TTC39C: variants seen among roughly 807,000 people sequenced by gnomAD.
The protein encoded by TTC39C is tetratricopeptide repeat protein 39C.
TTC39C carries 33 observed loss-of-function variants against 76.3 expected under a neutral mutation model. The observed-to-expected ratio is 0.43, with a 90% CI of 0.33 to 0.58. TTC39C has a LOEUF of 0.58. TTC39C is among the 20% of genes least tolerant of loss of function. The probability of loss-of-function intolerance (pLI) is 0.04; values close to 1 mark genes in which losing one functional copy is unlikely to be tolerated. For synonymous variants in TTC39C, 254 were observed against 260.6 expected (o/e 0.97, Z 0.24); for missense variants, 595 against 701.4 (o/e 0.85, Z 1.71).
chr18:24,019,845 T>C (rs532038285), intron 1 of TTC39C: 3 of 1,524,734 alleles, frequency 2.0e-6, no homozygotes, highest in South Asian at 1.2e-5. Flanking sequence ...ATATCTACTC[T>C]CTGGCCTTTT....
At chr18:24,016,031 C>A (rs28539354) in intron 1 of TTC39C, among the ~76,000 whole-genome samples, 2,479 of 152,230 alleles carry the variant, frequency 0.016, 65 homozygotes, top group African/African-American at 0.058. Context: ...ATGAGAGGAC[C>A]AATGTACAAC....
rs2085084828 is a variant in TTC39C, at chr18:24,128,877, C to T, written c.1421-9C>T. On this transcript the variant is annotated splice_polypyrimidine_tract_variant and intron_variant, in intron 10 of 13. Coordinates refer to ENST00000317571, the MANE Select transcript of TTC39C (RefSeq NM_001135993.2). ...GCTTACTGCTCTGTTCACTCCCCTT[C>T]TTTTTAAGCTTGCCATGAAGTGGAT... 2 of 1,611,288 alleles carry T rather than the reference C, an allele frequency of 1.2e-6. No homozygotes were observed. Among genetic ancestry groups the T allele is most frequent in the African/African-American group, 1.3e-5 (1 of 74,944 alleles).
At chr18:24,071,024 G>A (rs556361842) in intron 4 of TTC39C, among the ~76,000 whole-genome samples, 10 of 151,956 alleles carry the variant, frequency 6.6e-5, no homozygotes, top group Non-Finnish European at 1.3e-4. Context: ...TGCCTCCCAG[G>A]TTCAAGTGAT....
intron 6 of TTC39C, among the ~76,000 whole-genome samples, chr18:24,097,408 A>G (rs1250826368): frequency 6.6e-6 from 1 of 152,190 alleles, no homozygotes; most frequent in Non-Finnish European, 1.5e-5. Flanking sequence ...TTGAAGAAAC[A>G]CTTCAGGATC....
intron 1 of TTC39C, among the ~76,000 whole-genome samples, chr18:23,998,368 A>G (rs191388125): frequency 6.6e-6 from 1 of 152,348 alleles, no homozygotes; most frequent in South Asian, 2.1e-4. Flanking sequence ...TCACGCCTGT[A>G]ATCACAGTGC....
rs970091628 is a variant in TTC39C at position 24,133,813 on chromosome 18, G to C, written c.*1239G>C. On this transcript the variant is annotated 3_prime_UTR_variant, in exon 14 of 14. Coordinates refer to ENST00000317571, the MANE Select transcript of TTC39C (RefSeq NM_001135993.2). ...TGCCATAATTTGGCTCAATGTTTAA[G>C]GTTAGATTTTTAAAGAAATTTTTAT... 2.0e-4 allele frequency: 30 copies of C among 152,040 alleles called. No individual in the cohort carries two copies. Among genetic ancestry groups the C allele is most frequent in the African/African-American group, 7.3e-4 (30 of 41,368 alleles). 9.4% of individuals were successfully genotyped at this position (152,040 alleles called of 1,614,324 possible).
chr18:24,126,426 T>TA (rs35976434), intron 10 of TTC39C, among the ~76,000 whole-genome samples: 18,448 of 109,852 alleles, frequency 0.17, 1,527 homozygotes, highest in Admixed American at 0.23. Context: ...CCTATTTCTT[T>TA]AAAAAAAAAA....
In TTC39C at chr18:24,069,180, C is replaced by A. The variant is rs966431694; in HGVS notation, c.369C>A (p.Pro123=). Residue 123 remains proline (P), a synonymous_variant, in exon 4 of 14, where the codon CCC becomes CCA. Coordinates refer to ENST00000317571, the MANE Select transcript of TTC39C (RefSeq NM_001135993.2). ...KKNVDVRKSA[P]SMVDRLQRQI... ...AGGTTGATGTCCGAAAATCCGCCCCCTCTATGGTTGATCGGCTTCAGAGGC... is the reference window on the plus strand; with the variant it reads ...AGGTTGATGTCCGAAAATCCGCCCCATCTATGGTTGATCGGCTTCAGAGGC... The A allele has an allele frequency of 1.2e-6, 2 of 1,614,102 alleles. No individual in the cohort carries two copies. Among genetic ancestry groups the A allele is most frequent in the Non-Finnish European group, 1.7e-6 (2 of 1,179,934 alleles).
chr18:24,129,441 A>T (rs1382067851), intron 11 of TTC39C, among the ~76,000 whole-genome samples: 1 of 152,146 alleles, frequency 6.6e-6, no homozygotes, highest in African/African-American at 2.4e-5. Flanking sequence ...GTTTTGAAGA[A>T]GTATATATCA....
chr18:24,121,341 G>A (rs1003556097), intron 8 of TTC39C, among the ~76,000 whole-genome samples: 2 of 152,138 alleles, frequency 1.3e-5, no homozygotes, highest in Non-Finnish European at 2.9e-5. Context: ...GGGAGGCCGA[G>A]GCGTGTGGAT....
chr18:24,003,380 T>C (rs2083328274), intron 1 of TTC39C, among the ~76,000 whole-genome samples: 1 of 152,200 alleles, frequency 6.6e-6, no homozygotes. Flanking sequence ...TGTCAGTGTG[T>C]CTGTCTCACC....
chr18:24,066,198 T>A, intron 3 of TTC39C, 58 bp downstream of exon 3: 8 of 1,539,792 alleles, frequency 5.2e-6, no homozygotes, highest in Non-Finnish European at 6.9e-6. Flanking sequence ...ATATCACTTT[T>A]GTTCATTTAG....
At chr18:24,064,095 T>C in intron 1 of TTC39C, 45 bp from the exon 2 acceptor site, 1 of 1,605,626 alleles carries the variant, frequency 6.2e-7, no homozygotes, top group African/African-American at 1.3e-5. Flanking sequence ...AATTTTACAG[T>C]GAAAATAATT....
At chr18:24,023,952 A>C (rs201055200) in intron 1 of TTC39C, among the ~76,000 whole-genome samples, 241 of 12,806 alleles carry the variant, frequency 0.019, 27 homozygotes, top group Middle Eastern at 0.14. Flanking sequence ...ATATGCATGT[A>C]TATATATATA....
In TTC39C at chr18:24,091,516, C is replaced by T. The variant is rs77650018; in HGVS notation, c.984+8435C>T. Among the ~76,000 whole-genome samples the T allele has an allele frequency of 3.2e-3, 486 of 152,240 alleles. 4 individuals are homozygous for T. The highest frequency in any genetic ancestry group is 0.011 in the African/African-American group (465 of 41,536). ...ACTATACAAGAAAATTAACTCAAAG[C>T]GGATCATAGACCTAAATGTAAGATC... On this transcript the variant is annotated intron_variant, in intron 6 of 13. Transcript: ENST00000317571.
intron 6 of TTC39C, among the ~76,000 whole-genome samples, chr18:24,097,154 C>G (rs572900574): frequency 6.6e-6 from 1 of 152,162 alleles, no homozygotes; most frequent in Admixed American, 6.5e-5. Flanking sequence ...TGCTGCTAAA[C>G]CTTTGGCTAA....
chr18:24,102,857 CCCA>C (rs2084696123), intron 6 of TTC39C, among the ~76,000 whole-genome samples: 1 of 152,182 alleles, frequency 6.6e-6, no homozygotes, highest in Non-Finnish European at 1.5e-5. Context: ...CCTGTACACT[CCCA>C]CTTTGGGAGG....
At chr18:24,122,089 G>A (rs375508223) in intron 8 of TTC39C, among the ~76,000 whole-genome samples, 1 of 152,240 alleles carries the variant, frequency 6.6e-6, no homozygotes, top group East Asian at 1.9e-4. Flanking sequence ...AGCTCTCTCC[G>A]AGCCTCAATT....
At chr18:24,128,488 A>C (rs771227403) in intron 10 of TTC39C, among the ~76,000 whole-genome samples, 4 of 151,692 alleles carry the variant, frequency 2.6e-5, no homozygotes, top group African/African-American at 7.3e-5. Flanking sequence ...TATCTTTATT[A>C]GTCTTTGGAA....
Sources: allele counts gnomAD v4.1 joint callset (sites outside exome capture counted in the v4.1 genomes callset), GRCh38; gene constraint gnomAD v4.1.1; transcripts MANE v1.5; gene names NCBI Gene and HGNC (gene_info 2026-07-23, HGNC 2026-07-21).